Variants in COL5A2 observed in about 807,000 individuals in gnomAD.
COL5A2 encodes the protein collagen alpha-2(V) chain.
A neutral mutation model predicts 208.2 loss-of-function variants in COL5A2; 23 were observed. The observed-to-expected ratio is 0.11, with a 90% confidence interval of 0.08 to 0.16. The LOEUF (loss-of-function observed/expected upper bound fraction) is 0.16, where lower values mean the gene tolerates loss of function less well. Ranked by LOEUF, COL5A2 falls within the 10% of genes least tolerant of loss-of-function variation. The probability of loss-of-function intolerance (pLI) is 1.00; values close to 1 mark genes in which losing one functional copy is unlikely to be tolerated. For missense variants in COL5A2, 1,590 were observed against 1,956.4 expected (o/e 0.81, Z 3.53); for synonymous variants, 625 against 628.5 (o/e 0.99, Z 0.08).
intron 31 of COL5A2, among the ~76,000 whole-genome samples, chr2:189,059,504 T>G (rs548230083): frequency 1.3e-5 from 2 of 151,426 alleles, no homozygotes; most frequent in African/African-American, 4.8e-5. Flanking sequence ...TTCTCCGAAA[T>G]GGACTGTCCT....
chr2:189,335,494 C>T, the COL5A2 span, among the ~76,000 whole-genome samples: 1 of 151,946 alleles, frequency 6.6e-6, no homozygotes, highest in Non-Finnish European at 1.5e-5. Context: ...TAAGGTTACC[C>T]CAAACCTGAA....
chr2:189,379,451 GA>G, the COL5A2 span, among the ~76,000 whole-genome samples: 10 of 152,162 alleles, frequency 6.6e-5, no homozygotes, highest in African/African-American at 2.4e-4. Context: ...CTTAGGTGCT[GA>G]TTGCTAAACT....
chr2:189,166,348 C>T (rs1169734918), intron 1 of COL5A2, among the ~76,000 whole-genome samples: 31 of 151,378 alleles, frequency 2.0e-4, no homozygotes, highest in Admixed American at 2.0e-3. Context: ...TTTTTTAAAT[C>T]ACCTAAGACA....
At chr2:189,106,060 C>G (rs1290304526) in intron 2 of COL5A2, among the ~76,000 whole-genome samples, 1 of 151,366 alleles carries the variant, frequency 6.6e-6, no homozygotes, top group Non-Finnish European at 1.5e-5. Context: ...GGCTAGTCAT[C>G]CTTAATTGCT....
chr2:189,322,471 C>T, the COL5A2 span, among the ~76,000 whole-genome samples: 184 of 151,928 alleles, frequency 1.2e-3, no homozygotes, highest in African/African-American at 3.9e-3. Context: ...ATCAAACAGA[C>T]GCAATAAAAA....
intron 4 of COL5A2, 82 bp downstream of exon 4, chr2:189,100,025 G>A (rs536482837): frequency 5.8e-5 from 69 of 1,184,364 alleles, no homozygotes; most frequent in Non-Finnish European, 8.2e-5. Flanking sequence ...TTGAAAGTAT[G>A]TACATAAGCA....
chr2:189,097,231 C>T (rs373332268), intron 6 of COL5A2, 46 bp downstream of exon 6: 39 of 1,589,212 alleles, frequency 2.5e-5, no homozygotes, highest in Non-Finnish European at 3.1e-5. Context: ...ACAGTGTAAA[C>T]TGACTGGCTG....
the COL5A2 span, among the ~76,000 whole-genome samples, chr2:189,366,075 C>T: frequency 6.6e-6 from 1 of 152,060 alleles, no homozygotes; most frequent in Non-Finnish European, 1.5e-5. Flanking sequence ...CATGAGTGTA[C>T]CCTGTGGAGT....
intron 1 of COL5A2, among the ~76,000 whole-genome samples, chr2:189,211,929 G>A (rs1460393329): frequency 1.3e-5 from 2 of 152,320 alleles, no homozygotes; most frequent in African/African-American, 4.8e-5. Flanking sequence ...TTGAGAAGCT[G>A]TGCAAAAGAA....
chr2:189,412,387 C>T, the COL5A2 span, among the ~76,000 whole-genome samples: 1 of 152,120 alleles, frequency 6.6e-6, no homozygotes, highest in South Asian at 2.1e-4. Flanking sequence ...GATCTTTTTG[C>T]ATTTATTTAT....
the COL5A2 span, among the ~76,000 whole-genome samples, chr2:189,243,168 TAGA>T: frequency 6.6e-6 from 1 of 150,484 alleles, no homozygotes; most frequent in African/African-American, 2.5e-5. Flanking sequence ...GAAAAGAGAG[TAGA>T]AGAACACTGG....
Position 189,064,491 on chromosome 2 carries a change from C to G in COL5A2, c.1716+66G>C, listed in dbSNP as rs185646456. 71 of 1,131,550 alleles carry G rather than the reference C, an allele frequency of 6.3e-5. No homozygotes were observed. In the East Asian group the frequency reaches 1.7e-3, roughly 27 times the overall value. The allele number at this position is 1,131,550 out of a possible 1,614,324, so 70.1% of individuals were successfully genotyped here. ...AACTAAATTTAAAAACAAACAAAAA[C>G]CCGACCAATGCATGCTCAGGAGCAC... is the stretch of plus-strand genomic sequence containing the variant. On this transcript the variant is annotated intron_variant, in intron 25 of 53. Transcript: ENST00000374866.
Position 189,078,552 on chromosome 2 carries a change from T to C in COL5A2, c.1023A>G (p.Pro341=). 6.2e-7 allele frequency: 1 copy of C among 1,612,658 alleles called. No individual in the cohort carries two copies. Among genetic ancestry groups the C allele is most frequent in the Admixed American group, 1.7e-5 (1 of 59,988 alleles). Residue 341 remains proline (P), a synonymous_variant, in exon 16 of 54, where the codon CCA becomes CCG. Transcript: ENST00000374866. The stretch of plus-strand genomic sequence containing the variant: ...GTGGCCCAAGTCTCCCTCTCTCTCC[T>C]GGCATTCCCCTCGGACCCTATAGAC... ...AMGPLGPRGM[P]GERGRLGPQG...
chr2:189,427,518 G>C, the COL5A2 span, among the ~76,000 whole-genome samples: 1 of 152,154 alleles, frequency 6.6e-6, no homozygotes, highest in South Asian at 2.1e-4. Flanking sequence ...GCTATGAGAA[G>C]AGGACCACCA....
chr2:189,374,600 G>A, the COL5A2 span, among the ~76,000 whole-genome samples: 1 of 152,248 alleles, frequency 6.6e-6, no homozygotes, highest in African/African-American at 2.4e-5. Flanking sequence ...GGCACAAAAT[G>A]AAAGCACAGG....
chr2:189,220,228 T>A (rs1689331801), intron 1 of COL5A2, among the ~76,000 whole-genome samples: 1 of 152,174 alleles, frequency 6.6e-6, no homozygotes, highest in Non-Finnish European at 1.5e-5. Flanking sequence ...TCCAACACAG[T>A]CATAACACCC....
chr2:189,300,186 A>G, the COL5A2 span, among the ~76,000 whole-genome samples: 1,272 of 152,312 alleles, frequency 8.4e-3, 17 homozygotes, highest in African/African-American at 0.029. Context: ...CTTGCCAGTC[A>G]GCATATTATA....
At chr2:189,125,774 G>A (rs143938653) in intron 1 of COL5A2, among the ~76,000 whole-genome samples, 12 of 152,042 alleles carry the variant, frequency 7.9e-5, no homozygotes, top group Admixed American at 2.6e-4. Flanking sequence ...TAATTTTGGG[G>A]GAAGTTGAAA....
At chr2:189,082,779 C>T (rs957188729) in intron 12 of COL5A2, among the ~76,000 whole-genome samples, 1 of 152,164 alleles carries the variant, frequency 6.6e-6, no homozygotes, top group African/African-American at 2.4e-5. Flanking sequence ...CATGGAGGGC[C>T]CACACTGTGA....
Sources: gnomAD v4.1 joint callset for allele counts (sites outside exome capture counted in the v4.1 genomes callset) on GRCh38, gnomAD v4.1.1 for gene constraint, MANE v1.5 for transcripts, NCBI Gene and HGNC (gene_info 2026-07-23, HGNC 2026-07-21) for gene names.